The following SPEF2 variants were observed in gnomAD, a reference collection of about 807,000 sequenced individuals.
SPEF2 encodes sperm flagellar and cilia associated 2, also known as sperm flagella and cilia-associated protein 2.
A neutral mutation model predicts 224.6 loss-of-function variants in SPEF2; 187 were observed. The ratio of observed to expected loss-of-function variants is 0.83; its 90% CI spans 0.74 to 0.94. SPEF2 has a LOEUF of 0.94. Among genes scored for constraint, SPEF2 ranks in the 40% least tolerant of loss-of-function variants. SPEF2 has a pLI of 0.00. For missense variants in SPEF2, 2,170 were observed against 2,135.6 expected, an observed-to-expected ratio of 1.02 and a Z score of -0.32; for synonymous variants, 715 against 707.3, an observed-to-expected ratio of 1.01 and a Z score of -0.17.
At position 35,806,829 on chromosome 5, in the gene SPEF2, T is replaced by C. The variant is rs1406930424; in HGVS notation, c.5133T>C (p.Pro1711=). The change falls in exon 35 of 37, where the codon CCT becomes CCC. Residue 1711 remains proline (P), a synonymous_variant. Transcript: ENST00000356031. ...GGGAACAGAAGGATGAAGAAATCCC[T>C]GAAAATGCAAACAATGAAAAGATGT... is the stretch of plus-strand genomic sequence containing the variant. ...EKREQKDEEI[P]ENANNEKMSM... 3 of 1,613,812 alleles carry C rather than the reference T, an allele frequency of 1.9e-6. No individual in the cohort carries two copies. Among genetic ancestry groups the C allele is most frequent in the Non-Finnish European group, 1.7e-6 (2 of 1,179,912 alleles).
chr5:35,713,944 GTAT>G (rs370862856), intron 20 of SPEF2, among the ~76,000 whole-genome samples: 1,677 of 6,274 alleles, frequency 0.27, 5 homozygotes, highest in Non-Finnish European at 0.33. Context: ...GTTATATATA[GTAT>G]TATATATTTT....
At chr5:35,789,384 T>C (rs933170039) in intron 30 of SPEF2, 4 of 702,894 alleles carry the variant, frequency 5.7e-6, no homozygotes, top group African/African-American at 3.5e-5. Flanking sequence ...AGGTGAGAGG[T>C]TGGGATGATC....
chr5:35,713,895 G>A (rs201351753), intron 20 of SPEF2, among the ~76,000 whole-genome samples: 187 of 662 alleles, frequency 0.28, 7 homozygotes, highest in East Asian at 0.41. Context: ...TAGTATATAT[G>A]TTATATATAG....
Position 35,710,652 on chromosome 5 carries a change from A to G in SPEF2, c.2839+1531A>G, listed in dbSNP as rs373596754. On this transcript the variant is annotated intron_variant, in intron 19 of 36. Coordinates refer to ENST00000356031, the MANE Select transcript of SPEF2 (RefSeq NM_024867.4). ...GAATATCGTCCTTTAACCTATAGCT[A>G]TGACTCTAGGTTAAAGCTCCTCCTC... 61 of 984,812 alleles carry G rather than the reference A, an allele frequency of 6.2e-5. No individual in the cohort carries two copies. The East Asian group carries it at 1.4e-3, about 22-fold the overall frequency. 61.0% of individuals were successfully genotyped at this position (984,812 alleles called of 1,614,324 possible).
At chr5:35,778,990 G>A (rs919854045) in intron 29 of SPEF2, 127 bp from the exon 30 acceptor site, 1 of 551,144 alleles carries the variant, frequency 1.8e-6, no homozygotes, top group African/African-American at 1.9e-5. Context: ...AAATTTATAA[G>A]CATGCAGATG....
At chr5:35,755,009 A>C (rs548197439) in intron 24 of SPEF2, among the ~76,000 whole-genome samples, 17 of 152,378 alleles carry the variant, frequency 1.1e-4, no homozygotes, top group Non-Finnish European at 2.2e-4. Flanking sequence ...GCCAGACCAC[A>C]GAAGGTCTGA....
At chr5:35,637,205 A>G (rs951171352) in intron 2 of SPEF2, among the ~76,000 whole-genome samples, 3 of 152,092 alleles carry the variant, frequency 2.0e-5, no homozygotes, top group South Asian at 2.1e-4. Flanking sequence ...TTTTCCTACC[A>G]CTATTAAGCA....
intron 23 of SPEF2, among the ~76,000 whole-genome samples, chr5:35,751,000 T>TATATATATATAC (rs1749345536): frequency 1.9e-5 from 2 of 102,628 alleles, no homozygotes; most frequent in South Asian, 6.9e-4. Context: ...TATATATGTA[T>TATATATATATAC]ATATATATAT....
At chr5:35,627,935 C>G (rs1744498596) in intron 1 of SPEF2, among the ~76,000 whole-genome samples, 1 of 152,112 alleles carries the variant, frequency 6.6e-6, no homozygotes, top group African/African-American at 2.4e-5. Flanking sequence ...CCCTCTGAAC[C>G]ATGAAGGAGA....
intron 10 of SPEF2, among the ~76,000 whole-genome samples, chr5:35,689,442 T>C (rs1385863433): frequency 6.6e-6 from 1 of 152,196 alleles, no homozygotes; most frequent in Non-Finnish European, 1.5e-5. Flanking sequence ...GGGGTATGAC[T>C]GAACCTGTCC....
chr5:35,738,034 A>G (rs534655859), intron 21 of SPEF2, among the ~76,000 whole-genome samples: 5 of 152,156 alleles, frequency 3.3e-5, no homozygotes, highest in Non-Finnish European at 5.9e-5. Context: ...GTCTGTTCAT[A>G]TCCTTCACCC....
rs770036048 is a variant in SPEF2 at position 35,659,145 on chromosome 5, A to G, written c.1105A>G (p.Arg369Gly). The change falls in exon 8 of 37, where the codon AGA becomes GGA. Residue 369 changes from arginine to glycine, a missense_variant. Physicochemically the swap from Arg to Gly is moderately radical, Grantham distance 125. Coordinates refer to ENST00000356031, the MANE Select transcript of SPEF2 (RefSeq NM_024867.4). ...AGTTTTATGGCAAAACAGAATTTTC[A>G]GAGAAAAACAACATGAGGAAAGACG... is the stretch of plus-strand genomic sequence containing the variant. ...KEVLWQNRIF[R>G]EKQHEERRLK... 5.0e-6 allele frequency: 8 copies of G among 1,613,444 alleles called. No homozygotes were observed. Among genetic ancestry groups the G allele is most frequent in the South Asian group, 4.4e-5 (4 of 90,964 alleles).
rs192209365 is a variant in SPEF2, at chr5:35,737,663, G to A, written c.3064-2256G>A. ...AGTCTTTGCTATTGTGAATAGTGCCGCAATAAACATACGTATGCATGTGTC... is the reference window on the plus strand; with the variant it reads ...AGTCTTTGCTATTGTGAATAGTGCCACAATAAACATACGTATGCATGTGTC... On this transcript the variant is annotated intron_variant, in intron 21 of 36. Coordinates refer to ENST00000356031, the MANE Select transcript of SPEF2 (RefSeq NM_024867.4). Among the ~76,000 whole-genome samples, 918 of 152,094 alleles carry A rather than the reference G, an allele frequency of 6.0e-3. 12 individuals are homozygous for A. The highest frequency in any genetic ancestry group is 0.032 in the East Asian group (165 of 5,156).
At chr5:35,795,140 G>T (rs1038965752) in intron 32 of SPEF2, among the ~76,000 whole-genome samples, 14 of 152,062 alleles carry the variant, frequency 9.2e-5, no homozygotes, top group Admixed American at 3.9e-4. Flanking sequence ...GTTCTAATTG[G>T]TGTCAGTTAT....
intron 25 of SPEF2, among the ~76,000 whole-genome samples, chr5:35,763,097 G>A (rs180732756): frequency 1.3e-5 from 2 of 152,244 alleles, no homozygotes; most frequent in African/African-American, 2.4e-5. Context: ...TGTGCCCTCC[G>A]GGATGCCAGA....
intron 20 of SPEF2, among the ~76,000 whole-genome samples, chr5:35,716,606 T>A (rs1742630694): frequency 6.6e-6 from 1 of 152,120 alleles, no homozygotes; most frequent in Non-Finnish European, 1.5e-5. Flanking sequence ...TTCCAAATAT[T>A]TTTTGCTTTT....
At chr5:35,785,834 G>A (rs924985715) in intron 30 of SPEF2, among the ~76,000 whole-genome samples, 4 of 151,572 alleles carry the variant, frequency 2.6e-5, no homozygotes, top group Non-Finnish European at 4.4e-5. Flanking sequence ...TGAGAGTACA[G>A]CCATGAGCTA....
chr5:35,807,619 T>C (rs1379225247), intron 36 of SPEF2: 3 of 1,530,668 alleles, frequency 2.0e-6, no homozygotes, highest in South Asian at 2.4e-5. Context: ...GACATATTCA[T>C]TGTACTCTAA....
intron 15 of SPEF2, chr5:35,698,491 C>T (rs1755651480): frequency 6.6e-6 from 1 of 152,176 alleles, no homozygotes; most frequent in South Asian, 2.1e-4. Context: ...CATGTTTCAG[C>T]CATGGGATTC....
Sources: gnomAD v4.1 joint callset for allele counts (sites outside exome capture counted in the v4.1 genomes callset) on GRCh38, gnomAD v4.1.1 for gene constraint, MANE v1.5 for transcripts, NCBI Gene and HGNC (gene_info 2026-07-23, HGNC 2026-07-21) for gene names.